Variants in C8orf76 observed in about 807,000 individuals in gnomAD.
The protein encoded by C8orf76 is uncharacterized protein C8orf76.
In C8orf76, 46 loss-of-function variants were observed where a neutral mutation model predicts 38.1. That is an observed-to-expected ratio of 1.21 (90% CI 0.95 to 1.54). The LOEUF is 1.54. Among genes scored for constraint, C8orf76 ranks in the 40% most tolerant of loss-of-function variants. The pLI is 0.00. For synonymous variants in C8orf76, 166 were observed against 167.5 expected, an observed-to-expected ratio of 0.99 and a Z score of 0.07; for missense variants, 461 against 441.6, an observed-to-expected ratio of 1.04 and a Z score of -0.39.
chr8:123,230,181 CT>C (rs923153102), intron 4 of C8orf76, among the ~76,000 whole-genome samples: 5 of 152,226 alleles, frequency 3.3e-5, no homozygotes, highest in Admixed American at 3.3e-4. Context: ...ATTTATAGAA[CT>C]GGTCAAGTGT....
intron 4 of C8orf76, among the ~76,000 whole-genome samples, chr8:123,227,252 GCTC>G (rs1280690617): frequency 3.4e-5 from 5 of 147,100 alleles, no homozygotes; most frequent in Admixed American, 6.7e-5. Flanking sequence ...TCCTCATTTG[GCTC>G]CTTTTTTTTT....
At chr8:123,227,790 C>T (rs924516504) in intron 4 of C8orf76, among the ~76,000 whole-genome samples, 7 of 152,198 alleles carry the variant, frequency 4.6e-5, no homozygotes, top group Middle Eastern at 6.8e-3. Context: ...GAAAGAAATG[C>T]GGAATTGACG....
At chr8:123,239,264 G>A (rs1825598837) in intron 1 of C8orf76, 120 bp from the exon 2 acceptor site, 7 of 1,087,290 alleles carry the variant, frequency 6.4e-6, no homozygotes, top group South Asian at 4.4e-5. Flanking sequence ...CAAGAGTCTG[G>A]CCAGGTTAGT....
At chr8:123,231,833 C>T (rs184745962) in intron 3 of C8orf76, 76 bp from the exon 4 acceptor site, 1 of 1,439,076 alleles carries the variant, frequency 6.9e-7, no homozygotes, top group East Asian at 2.3e-5. Flanking sequence ...GCCTAAAAAA[C>T]CAAGTTGTAT....
At chr8:123,238,400 T>C (rs1825572413) in intron 2 of C8orf76, among the ~76,000 whole-genome samples, 1 of 149,544 alleles carries the variant, frequency 6.7e-6, no homozygotes. Flanking sequence ...CATTAAACCT[T>C]TTTTTTTTTA....
Position 123,226,628 on chromosome 8 carries a change from G to A in C8orf76, c.820C>T (p.Leu274=), listed in dbSNP as rs773901769. 5.0e-6 allele frequency: 8 copies of A among 1,590,510 alleles called. No homozygotes were observed. The highest frequency in any genetic ancestry group is 2.2e-5 in the East Asian group (1 of 44,528). ...TGCTGAGGTTGGGTAAACTGAAGCAGAAGCCTGAAAAACCGAAAAGTCTCA... is the reference window on the plus strand; with the variant it reads ...TGCTGAGGTTGGGTAAACTGAAGCAAAAGCCTGAAAAACCGAAAAGTCTCA... ...ACASFIRTRL[L]LQFTQPQQTS... The change falls in exon 5 of 6, where the codon CTG becomes TTG. Residue 274 remains leucine (L), a synonymous_variant. Coordinates refer to ENST00000276704, the MANE Select transcript of C8orf76 (RefSeq NM_032847.3).
At chr8:123,233,676 C>G (rs921649229) in intron 3 of C8orf76, among the ~76,000 whole-genome samples, 3 of 152,088 alleles carry the variant, frequency 2.0e-5, no homozygotes, top group Non-Finnish European at 4.4e-5. Flanking sequence ...GCATGAGCCA[C>G]TGCGCCCTGT....
intron 4 of C8orf76, among the ~76,000 whole-genome samples, chr8:123,228,514 G>A (rs566731814): frequency 6.6e-6 from 1 of 152,192 alleles, no homozygotes; most frequent in Non-Finnish European, 1.5e-5. Context: ...AGCTACTCGG[G>A]AGGCTGAGGC....
intron 4 of C8orf76, 101 bp from the exon 5 acceptor site, chr8:123,226,733 G>A: frequency 6.8e-7 from 1 of 1,464,798 alleles, no homozygotes; most frequent in Non-Finnish European, 8.9e-7. Context: ...TATTGAGTCG[G>A]CTGCAAGTCC....
chr8:123,223,028 T>C (rs932423524), intron 5 of C8orf76, among the ~76,000 whole-genome samples: 10 of 152,220 alleles, frequency 6.6e-5, no homozygotes, highest in Admixed American at 3.9e-4. Flanking sequence ...AAGGCACATA[T>C]TGATTTTCTT....
intron 1 of C8orf76, among the ~76,000 whole-genome samples, chr8:123,240,646 A>ACTTTGTGGGAATACTGAC (rs1825650727): frequency 6.6e-6 from 1 of 152,228 alleles, no homozygotes; most frequent in Non-Finnish European, 1.5e-5. Flanking sequence ...GGGTCTCAGG[A>ACTTTGTGGGAATACTGAC]CTTTGTGGGA....
chr8:123,228,673 A>G (rs1331964818), intron 4 of C8orf76, among the ~76,000 whole-genome samples: 2 of 152,034 alleles, frequency 1.3e-5, no homozygotes, highest in Admixed American at 6.6e-5. Context: ...GTCTTATCAC[A>G]TGCTCCTGTA....
intron 1 of C8orf76, chr8:123,239,608 G>A (rs2131167157): frequency 6.4e-6 from 1 of 156,572 alleles, no homozygotes; most frequent in Non-Finnish European, 1.4e-5. Context: ...CTGAGGAAAT[G>A]CCCATCTAGG....
chr8:123,228,741 C>CGTCA (rs776108781), intron 4 of C8orf76, among the ~76,000 whole-genome samples: 1 of 152,136 alleles, frequency 6.6e-6, no homozygotes, highest in Non-Finnish European at 1.5e-5. Flanking sequence ...CCTTGTGACA[C>CGTCA]CAAACATCTT....
chr8:123,220,269 A>AT lies in C8orf76; in HGVS notation c.976dup (p.Ile326AsnfsTer4), dbSNP rs765735452. ...CACCTCTGGGTGAACTTCATCTTTT[A>AT]TTTTTTCTGGGATATCTTCTCCCAT... On this transcript the variant is annotated frameshift_variant, in exon 6 of 6. Transcript: ENST00000276704. LOFTEE classifies it high-confidence loss of function. The AT allele has an allele frequency of 1.9e-6, 3 of 1,602,666 alleles. No individual in the cohort carries two copies. Among genetic ancestry groups the AT allele is most frequent in the South Asian group, 1.1e-5 (1 of 88,352 alleles).
chr8:123,236,248 C>G (rs1825472327), intron 3 of C8orf76, among the ~76,000 whole-genome samples: 1 of 152,138 alleles, frequency 6.6e-6, no homozygotes, highest in Non-Finnish European at 1.5e-5. Context: ...CTGATCTGAT[C>G]GCTGGGCGGT....
intron 4 of C8orf76, among the ~76,000 whole-genome samples, chr8:123,228,897 T>C (rs543051844): frequency 1.3e-5 from 2 of 152,368 alleles, no homozygotes; most frequent in African/African-American, 4.8e-5. Context: ...TCTCCATCTG[T>C]CAAGATTAAG....
At position 123,231,365 on chromosome 8, in the gene C8orf76, T is replaced by C. The variant is rs1247387739; in HGVS notation, c.750A>G (p.Ala250=). 1 of 1,614,156 alleles carries C rather than the reference T, an allele frequency of 6.2e-7. No homozygotes were observed. The highest frequency in any genetic ancestry group is 1.6e-4 in the Middle Eastern group (1 of 6,062). ...CTATCAACACTGTTTCTCTCTTTTC[T>C]GCCATACAGTTTTGGATATTTGTCA... ...KALTNIQNCM[A]EKRETVLIET... is the part of the protein sequence containing the mutation. The change falls in exon 4 of 6, where the codon GCA becomes GCG. Residue 250 remains alanine, a synonymous_variant. Coordinates refer to ENST00000276704, the MANE Select transcript of C8orf76 (RefSeq NM_032847.3).
chr8:123,236,332 G>A (rs1214400414), intron 3 of C8orf76, among the ~76,000 whole-genome samples: 1 of 151,996 alleles, frequency 6.6e-6, no homozygotes, highest in African/African-American at 2.4e-5. Context: ...AGTCCATTTA[G>A]ACTAATTCCC....
Sources: allele counts gnomAD v4.1 joint callset (sites outside exome capture counted in the v4.1 genomes callset), GRCh38; gene constraint gnomAD v4.1.1; transcripts MANE v1.5; gene names NCBI Gene and HGNC (gene_info 2026-07-23, HGNC 2026-07-21).